TFB1M: variants seen among roughly 807,000 people sequenced by gnomAD.
TFB1M encodes transcription factor B1, mitochondrial.
In TFB1M, 27 loss-of-function variants were observed where a neutral mutation model predicts 31.1. That is an observed-to-expected ratio of 0.87 (90% CI 0.64 to 1.20). The LOEUF (loss-of-function observed/expected upper bound fraction) is 1.20, where lower values mean the gene tolerates loss of function less well. Ranked by LOEUF, TFB1M falls within the 50% of genes most tolerant of loss-of-function variation. The pLI, the probability that TFB1M is intolerant of heterozygous loss-of-function variation, is 0.00. For missense variants in TFB1M, 394 were observed against 418.7 expected (o/e 0.94, Z 0.51); for synonymous variants, 166 against 151.8 (o/e 1.09, Z -0.69).
At chr6:155,251,707 A>G (rs1258349213), downstream of TFB1M, among the ~76,000 whole-genome samples, 1 of 152,180 alleles carries the variant, frequency 6.6e-6, no homozygotes, top group East Asian at 1.9e-4. Flanking sequence ...TCAATAAAAC[A>G]AAGAGTTTAA....
the TFB1M span, chr6:155,243,896 A>T: frequency 1.5e-6 from 1 of 652,796 alleles, no homozygotes; most frequent in Non-Finnish European, 2.7e-6. Flanking sequence ...ACAAGGCATA[A>T]ACTTCATTAT....
intron 4 of TFB1M, among the ~76,000 whole-genome samples, chr6:155,286,483 GTGTGTATATATA>G (rs1371646217): frequency 0.31 from 10,883 of 35,284 alleles, 519 homozygotes; most frequent in Admixed American, 0.32. Context: ...ATATATATGT[GTGTGTATATATA>G]TGTGTGTATA....
At chr6:155,305,146 A>C (rs547815758) in intron 2 of TFB1M, among the ~76,000 whole-genome samples, 1 of 113,140 alleles carries the variant, frequency 8.8e-6, no homozygotes, top group Non-Finnish European at 1.7e-5. Context: ...ATATTTATAT[A>C]TATAAATATA....
chr6:155,242,171 C>T, the TFB1M span, among the ~76,000 whole-genome samples: 1,332 of 152,302 alleles, frequency 8.7e-3, 19 homozygotes, highest in African/African-American at 0.03. Context: ...CAGCTCTGCG[C>T]GGACCTGATT....
At chr6:155,247,149 G>A in the TFB1M span, among the ~76,000 whole-genome samples, 1 of 152,200 alleles carries the variant, frequency 6.6e-6, no homozygotes, top group African/African-American at 2.4e-5. Flanking sequence ...TGCAGGCTGT[G>A]GTGCCTGTCA....
chr6:155,310,201 C>T (rs894042756), intron 2 of TFB1M, among the ~76,000 whole-genome samples: 13 of 152,058 alleles, frequency 8.5e-5, no homozygotes, highest in African/African-American at 3.1e-4. Context: ...GAAGTAATAA[C>T]GTAGATAACT....
At chr6:155,238,665 C>T in the TFB1M span, among the ~76,000 whole-genome samples, 5 of 152,228 alleles carry the variant, frequency 3.3e-5, no homozygotes, top group African/African-American at 4.8e-5. Flanking sequence ...ACCCTTTCAC[C>T]GAAGCCTTCC....
chr6:155,249,481 C>T, the TFB1M span, among the ~76,000 whole-genome samples: 9 of 152,180 alleles, frequency 5.9e-5, no homozygotes, highest in African/African-American at 2.2e-4. Context: ...CTTTTCTCAT[C>T]TGTAAAATGG....
In TFB1M at chr6:155,258,075, A is replaced by C. The variant is rs199932870; in HGVS notation, c.802T>G (p.Phe268Val). ...CTTTCCAAGCGCTGCGCTTCAGGGA[A>C]TAACATTCTGAGGGGAAGACAGACA... Reference protein sequence around the residue: ...KYCHRGLRMLFPEAQRLESTG... With the variant: ...KYCHRGLRMLVPEAQRLESTG... Residue 268 changes from phenylalanine to valine, a missense_variant, in exon 7 of 7, where the codon TTC (phenylalanine) becomes GTC (valine). By Grantham distance (50) the Phe-to-Val change is conservative. Around this residue, in one of 3 missense-constraint regions of TFB1M, gnomAD observed 115 missense variants for 144.1 expected, o/e 0.80. Transcript: ENST00000367166. 2 of 1,614,216 alleles carry C rather than the reference A, an allele frequency of 1.2e-6. No individual in the cohort carries two copies. Among genetic ancestry groups the C allele is most frequent in the Non-Finnish European group, 1.7e-6 (2 of 1,180,038 alleles).
In TFB1M at chr6:155,256,183, C is replaced by G. The variant is rs913229074; in HGVS notation, c.*1653G>C. ...TATTACCAATTAACTTTTCAACTTA[C>G]TCCTTGGCAAAATAAGAATCTTAGC... On this transcript the variant is annotated 3_prime_UTR_variant, in exon 7 of 7. Coordinates refer to ENST00000367166, the MANE Select transcript of TFB1M (RefSeq NM_016020.4). The G allele has an allele frequency of 1.8e-6, 1 of 540,710 alleles. No individual in the cohort carries two copies. The highest frequency in any genetic ancestry group is 2.0e-5 in the African/African-American group (1 of 51,166). 33.5% of individuals were successfully genotyped at this position (540,710 alleles called of 1,614,324 possible). A position where few individuals can be genotyped will look rare whatever the true frequency, so the allele number is the denominator to read the frequency against.
chr6:155,253,285 C>T (rs1783784750), downstream of TFB1M: 4 of 514,282 alleles, frequency 7.8e-6, no homozygotes, highest in Non-Finnish European at 3.5e-6. Context: ...TCCTTATTTT[C>T]CCTATCAATA....
At chr6:155,299,899 T>C (rs543795799) in intron 2 of TFB1M, among the ~76,000 whole-genome samples, 6 of 152,330 alleles carry the variant, frequency 3.9e-5, no homozygotes, top group African/African-American at 1.4e-4. Flanking sequence ...GTCTGCCTCT[T>C]TACAGCACTT....
intron 5 of TFB1M, among the ~76,000 whole-genome samples, chr6:155,278,275 A>G (rs1785311531): frequency 6.6e-6 from 1 of 152,250 alleles, no homozygotes; most frequent in Non-Finnish European, 1.5e-5. Context: ...TAGAAGTTCA[A>G]GCCCGCATCT....
At chr6:155,276,376 G>A (rs1785219486) in intron 5 of TFB1M, 2 of 1,610,538 alleles carry the variant, frequency 1.2e-6, no homozygotes, top group Admixed American at 1.7e-5. Flanking sequence ...AGGATTATGT[G>A]TAAATAACTG....
At chr6:155,262,664 A>G (rs1246932105) in intron 5 of TFB1M, among the ~76,000 whole-genome samples, 2 of 152,188 alleles carry the variant, frequency 1.3e-5, no homozygotes, top group Non-Finnish European at 2.9e-5. Context: ...TCAAAACTCT[A>G]CATAAGGCTT....
the TFB1M span, among the ~76,000 whole-genome samples, chr6:155,233,284 G>A: frequency 6.6e-6 from 1 of 152,180 alleles, no homozygotes; most frequent in African/African-American, 2.4e-5. Flanking sequence ...TATCAAAGTT[G>A]TTGTGATCAA....
At chr6:155,233,371 C>T in the TFB1M span, among the ~76,000 whole-genome samples, 3 of 152,064 alleles carry the variant, frequency 2.0e-5, no homozygotes, top group Non-Finnish European at 2.9e-5. Flanking sequence ...GCACTGAACC[C>T]AGGTTAGAAG....
the TFB1M span, chr6:155,240,419 C>G: frequency 1.7e-6 from 2 of 1,166,512 alleles, no homozygotes; most frequent in Non-Finnish European, 1.2e-6. Flanking sequence ...ACACAGAGGC[C>G]CCTCTGAGAT....
the TFB1M span, chr6:155,250,534 T>C: frequency 6.5e-7 from 1 of 1,535,774 alleles, no homozygotes; most frequent in Middle Eastern, 1.7e-4. Context: ...TGCTCTTTTA[T>C]CAGCAGCCCG....
Sources: allele counts gnomAD v4.1 joint callset (sites outside exome capture counted in the v4.1 genomes callset), GRCh38; gene constraint gnomAD v4.1.1; regional missense constraint gnomAD v4.1.1; transcripts MANE v1.5; gene names NCBI Gene and HGNC (gene_info 2026-07-23, HGNC 2026-07-21).